Variants in SATB2 observed in about 807,000 individuals in gnomAD.
SATB2 encodes SATB homeobox 2.
SATB2 carries 1 observed loss-of-function variant against 73.4 expected under a neutral mutation model. The ratio of observed to expected loss-of-function variants is 0.01; its 90% CI spans 0.00 to 0.06. SATB2 has a LOEUF of 0.06. Among genes scored for constraint, SATB2 ranks in the 10% least tolerant of loss-of-function variants. The pLI is 1.00. For synonymous variants in SATB2, 397 were observed against 367.0 expected, an observed-to-expected ratio of 1.08 and a Z score of -0.93; for missense variants, 459 against 945.8, an observed-to-expected ratio of 0.49 and a Z score of 6.75.
chr2:199,276,132 A>T (rs1182650799), intron 10 of SATB2, among the ~76,000 whole-genome samples: 1 of 152,214 alleles, frequency 6.6e-6, no homozygotes, highest in Admixed American at 6.5e-5. Flanking sequence ...CTAGTGGTAT[A>T]CGTACTCTGA....
chr2:199,421,462 A>C (rs1691166963), intron 3 of SATB2, among the ~76,000 whole-genome samples: 1 of 152,188 alleles, frequency 6.6e-6, no homozygotes, highest in Non-Finnish European at 1.5e-5. Flanking sequence ...CTTCCTTCAG[A>C]GTTTCCCCCA....
chr2:199,467,015 AC>A (rs1183766202), upstream of SATB2, among the ~76,000 whole-genome samples: 2 of 152,268 alleles, frequency 1.3e-5, no homozygotes, highest in African/African-American at 4.8e-5. Flanking sequence ...ATCACATCTT[AC>A]ACGTGCGGCC....
At chr2:199,422,235 A>G (rs894369290) in intron 3 of SATB2, among the ~76,000 whole-genome samples, 1 of 151,556 alleles carries the variant, frequency 6.6e-6, no homozygotes. Context: ...CCCAAATATT[A>G]CCTATTTTTA....
chr2:199,279,179 T>C (rs1455075617), intron 10 of SATB2, among the ~76,000 whole-genome samples: 5 of 152,306 alleles, frequency 3.3e-5, no homozygotes, highest in Middle Eastern at 3.4e-3. Context: ...AAAAGAGACA[T>C]TAACTGCAAA....
intron 3 of SATB2, among the ~76,000 whole-genome samples, chr2:199,424,472 TAATA>T (rs1474865415): frequency 2.6e-5 from 4 of 152,184 alleles, no homozygotes; most frequent in African/African-American, 7.2e-5. Flanking sequence ...TTGAACTAAG[TAATA>T]AATAAATTGA....
chr2:199,290,074 G>T (rs114360525), intron 10 of SATB2, among the ~76,000 whole-genome samples: 1 of 152,300 alleles, frequency 6.6e-6, no homozygotes, highest in African/African-American at 2.4e-5. Flanking sequence ...GCTGGTCCTT[G>T]CTCCCCAGCC....
intron 9 of SATB2, among the ~76,000 whole-genome samples, chr2:199,310,283 A>G (rs1298482772): frequency 6.6e-6 from 1 of 152,202 alleles, no homozygotes; most frequent in Non-Finnish European, 1.5e-5. Context: ...GAGAGGCCAC[A>G]TTTGCGCAGA....
At chr2:199,311,533 G>A (rs568265471) in intron 9 of SATB2, among the ~76,000 whole-genome samples, 1 of 152,222 alleles carries the variant, frequency 6.6e-6, no homozygotes, top group South Asian at 2.1e-4. Context: ...GAGCCTTATA[G>A]TAGCACAAAA....
chr2:199,321,484 G>A (rs1687888078), intron 9 of SATB2, among the ~76,000 whole-genome samples: 1 of 149,508 alleles, frequency 6.7e-6, no homozygotes, highest in African/African-American at 2.5e-5. Flanking sequence ...ACACATACAT[G>A]TATATATGTG....
intron 2 of SATB2, among the ~76,000 whole-genome samples, chr2:199,452,835 T>C (rs1047615292): frequency 3.3e-5 from 5 of 152,144 alleles, no homozygotes; most frequent in Non-Finnish European, 7.4e-5. Context: ...ACTTACATTT[T>C]ATTACATACA....
At chr2:199,328,647 C>T (rs2105795130) in intron 8 of SATB2, 51 bp downstream of exon 8, 1 of 1,405,430 alleles carries the variant, frequency 7.1e-7, no homozygotes, top group African/African-American at 1.4e-5. Context: ...CTAGTGAAGG[C>T]AAGATGTTTC....
At chr2:199,310,590 T>C (rs1320350976) in intron 9 of SATB2, among the ~76,000 whole-genome samples, 1 of 152,124 alleles carries the variant, frequency 6.6e-6, no homozygotes, top group African/African-American at 2.4e-5. Context: ...AAATGGAAAA[T>C]AAACCATCTG....
intron 3 of SATB2, among the ~76,000 whole-genome samples, chr2:199,425,446 G>A (rs1187197192): frequency 6.6e-6 from 1 of 152,150 alleles, no homozygotes; most frequent in African/African-American, 2.4e-5. Flanking sequence ...GAAATAATAA[G>A]CTACATTTTT....
intron 10 of SATB2, among the ~76,000 whole-genome samples, chr2:199,274,747 G>C (rs185332829): frequency 6.6e-6 from 1 of 151,686 alleles, no homozygotes; most frequent in African/African-American, 2.4e-5. Context: ...GTGGTCTGTT[G>C]TGGTAAGCTG....
At chr2:199,417,075 CA>C (rs1181407185) in intron 3 of SATB2, among the ~76,000 whole-genome samples, 15 of 146,958 alleles carry the variant, frequency 1.0e-4, no homozygotes, top group South Asian at 4.3e-4. Flanking sequence ...CACACACTCA[CA>C]AAAAAAAATA....
At chr2:199,317,657 T>C (rs368241609) in intron 9 of SATB2, among the ~76,000 whole-genome samples, 1 of 152,032 alleles carries the variant, frequency 6.6e-6, no homozygotes, top group African/African-American at 2.4e-5. Context: ...GCATGAAACA[T>C]TAACATAATT....
intron 10 of SATB2, among the ~76,000 whole-genome samples, chr2:199,279,757 CTTG>C (rs1692425709): frequency 6.6e-6 from 1 of 152,200 alleles, no homozygotes; most frequent in African/African-American, 2.4e-5. Flanking sequence ...ATTATTTTGA[CTTG>C]TTGTCCAATT....
chr2:199,330,877 TTCCTC>T (rs1688169842), intron 7 of SATB2, among the ~76,000 whole-genome samples: 1 of 152,168 alleles, frequency 6.6e-6, no homozygotes, highest in Non-Finnish European at 1.5e-5. Context: ...GTTGGTCTTT[TTCCTC>T]TCCCTCCTTC....
chr2:199,442,889 G>A (rs544162252), intron 2 of SATB2, among the ~76,000 whole-genome samples: 8 of 152,226 alleles, frequency 5.3e-5, no homozygotes, highest in East Asian at 3.9e-4. Flanking sequence ...TTCTTTTTAC[G>A]ATAGGTTAAA....
Sources: gnomAD v4.1 joint callset for allele counts (sites outside exome capture counted in the v4.1 genomes callset) on GRCh38, gnomAD v4.1.1 for gene constraint, MANE v1.5 for transcripts, NCBI Gene and HGNC (gene_info 2026-07-23, HGNC 2026-07-21) for gene names.